CNTN3: variants seen among roughly 807,000 people sequenced by gnomAD.
CNTN3 encodes the protein contactin-3.
A neutral mutation model predicts 119.1 loss-of-function variants in CNTN3; 60 were observed. That is an observed-to-expected ratio of 0.50 (90% CI 0.41 to 0.62). The LOEUF (loss-of-function observed/expected upper bound fraction) is 0.62. CNTN3 is among the 20% of genes least tolerant of loss of function. The pLI, the probability that CNTN3 is intolerant of heterozygous loss-of-function variation, is 0.00. For synonymous variants in CNTN3, 450 were observed against 438.7 expected (o/e 1.03, Z -0.32); for missense variants, 1,101 against 1,242.4 (o/e 0.89, Z 1.71).
chr3:74,398,084 C>T (rs1575687468), intron 5 of CNTN3, among the ~76,000 whole-genome samples: 1 of 152,260 alleles, frequency 6.6e-6, no homozygotes. Flanking sequence ...TGACATGACA[C>T]AAAAGGATTT....
In CNTN3 at chr3:74,295,205, T is replaced by G. The variant is rs10490832; in HGVS notation, c.2433A>C (p.Ala811=). 0.15 allele frequency: 236,123 copies of G among 1,610,212 alleles called. 18,913 individuals are homozygous for G. The highest frequency in any genetic ancestry group is 0.18 in the South Asian group (16,118 of 90,838). ...EPTVAPSQVS[A]NSLSSSEIEV... is the part of the protein sequence containing the mutation. Reference sequence around the variant, plus strand: ...CAATTTCTGAGGAAGATAGGCTATTTGCAGAGACTTGAGATGGGGCCACTG... The same window carrying G: ...CAATTTCTGAGGAAGATAGGCTATTGGCAGAGACTTGAGATGGGGCCACTG... The change falls in exon 19 of 23, where the codon GCA becomes GCC. Residue 811 remains alanine, a synonymous_variant. Transcript: ENST00000263665.
At chr3:74,512,552 T>TAAGCAGCA (rs1215233635) in intron 2 of CNTN3, among the ~76,000 whole-genome samples, 1 of 151,820 alleles carries the variant, frequency 6.6e-6, no homozygotes, top group Non-Finnish European at 1.5e-5. Context: ...CTCAACAAAA[T>TAAGCAGCA]AAGCAGCAAA....
At chr3:74,553,961 C>G (rs183919549) in intron 1 of CNTN3, among the ~76,000 whole-genome samples, 2 of 152,110 alleles carry the variant, frequency 1.3e-5, no homozygotes, top group African/African-American at 4.8e-5. Context: ...GTTGCCATTG[C>G]TTTTGGTGTT....
chr3:74,504,080 C>A (rs981926618), intron 2 of CNTN3, among the ~76,000 whole-genome samples: 22 of 152,068 alleles, frequency 1.4e-4, no homozygotes, highest in African/African-American at 4.3e-4. Context: ...ACAAGGGATT[C>A]TGGGCAAGCT....
At chr3:74,277,475 A>G (rs1413307052) in intron 20 of CNTN3, among the ~76,000 whole-genome samples, 1 of 152,204 alleles carries the variant, frequency 6.6e-6, no homozygotes, top group Non-Finnish European at 1.5e-5. Flanking sequence ...ACACAAGTCA[A>G]TAAATGTGAA....
chr3:74,500,835 A>T (rs6549606), intron 2 of CNTN3, among the ~76,000 whole-genome samples: 4 of 152,070 alleles, frequency 2.6e-5, no homozygotes, highest in Non-Finnish European at 5.9e-5. Flanking sequence ...TAAATTCTGC[A>T]TGCCCAAATG....
chr3:74,532,720 C>T (rs1405212838), intron 1 of CNTN3, among the ~76,000 whole-genome samples: 1 of 151,922 alleles, frequency 6.6e-6, no homozygotes, highest in Non-Finnish European at 1.5e-5. Context: ...CAATCTAAAA[C>T]TTATGAATTG....
intron 4 of CNTN3, among the ~76,000 whole-genome samples, chr3:74,431,049 C>G (rs1701775316): frequency 6.6e-6 from 1 of 152,126 alleles, no homozygotes; most frequent in Admixed American, 6.6e-5. Flanking sequence ...AACACTCCTT[C>G]TTGTGACTAG....
At chr3:74,496,029 C>A (rs1703057020) in intron 3 of CNTN3, among the ~76,000 whole-genome samples, 1 of 152,028 alleles carries the variant, frequency 6.6e-6, no homozygotes, top group Non-Finnish European at 1.5e-5. Flanking sequence ...TGGCAACTAG[C>A]CACACGTGGC....
chr3:74,336,244 A>C (rs1703392902), intron 12 of CNTN3, among the ~76,000 whole-genome samples: 1 of 152,160 alleles, frequency 6.6e-6, no homozygotes, highest in Non-Finnish European at 1.5e-5. Context: ...CTGACATAAT[A>C]GAATTTTATT....
intron 1 of CNTN3, among the ~76,000 whole-genome samples, chr3:74,563,240 C>T (rs954503535): frequency 6.6e-6 from 1 of 152,086 alleles, no homozygotes; most frequent in Admixed American, 6.6e-5. Flanking sequence ...CTTCAGAATA[C>T]CTTTTTCACT....
intron 1 of CNTN3, among the ~76,000 whole-genome samples, chr3:74,587,181 CAGA>C (rs1378789609): frequency 1.3e-5 from 2 of 152,014 alleles, no homozygotes; most frequent in East Asian, 3.9e-4. Flanking sequence ...GAGGTGGGGG[CAGA>C]AGGAGGCAGG....
intron 11 of CNTN3, among the ~76,000 whole-genome samples, chr3:74,353,492 C>G (rs1160580479): frequency 1.3e-5 from 2 of 152,210 alleles, no homozygotes; most frequent in Non-Finnish European, 2.9e-5. Flanking sequence ...TGCCGTGGCT[C>G]ACGCCTGTAA....
intron 5 of CNTN3, among the ~76,000 whole-genome samples, chr3:74,419,076 C>T (rs890724351): frequency 2.6e-5 from 4 of 152,112 alleles, no homozygotes; most frequent in Non-Finnish European, 5.9e-5. Context: ...GGATTACAGG[C>T]ATGAGCCACC....
intron 1 of CNTN3, among the ~76,000 whole-genome samples, chr3:74,539,619 C>T (rs2107145528): frequency 6.6e-6 from 1 of 152,186 alleles, no homozygotes; most frequent in Admixed American, 6.5e-5. Context: ...ATCATCCAGG[C>T]AGTCCCTACA....
intron 2 of CNTN3, among the ~76,000 whole-genome samples, chr3:74,512,631 CT>C (rs1182733901): frequency 7.8e-6 from 1 of 127,484 alleles, no homozygotes; most frequent in Non-Finnish European, 1.6e-5. Flanking sequence ...TTATTTTCTC[CT>C]ATAATAGAAA....
At chr3:74,395,106 T>C (rs1705013263) in intron 5 of CNTN3, among the ~76,000 whole-genome samples, 1 of 152,094 alleles carries the variant, frequency 6.6e-6, no homozygotes, top group African/African-American at 2.4e-5. Flanking sequence ...ACTAGAGTAT[T>C]TATTGCTTCC....
chr3:74,283,301 G>A (rs767895514), intron 20 of CNTN3, among the ~76,000 whole-genome samples: 2 of 152,066 alleles, frequency 1.3e-5, no homozygotes, highest in Non-Finnish European at 2.9e-5. Context: ...TTCAAGTCAT[G>A]ACATTGCTGT....
intron 4 of CNTN3, among the ~76,000 whole-genome samples, chr3:74,466,644 C>A (rs1179733877): frequency 1.3e-5 from 2 of 152,072 alleles, no homozygotes; most frequent in African/African-American, 2.4e-5. Flanking sequence ...ATTTTATTAA[C>A]AAGTTGTCTA....
Sources: allele counts gnomAD v4.1 joint callset (sites outside exome capture counted in the v4.1 genomes callset), GRCh38; gene constraint gnomAD v4.1.1; transcripts MANE v1.5; gene names NCBI Gene and HGNC (gene_info 2026-07-23, HGNC 2026-07-21).